CDK14: variants seen among roughly 807,000 people sequenced by gnomAD.
The protein encoded by CDK14 is cyclin dependent kinase 14.
In CDK14, 34 loss-of-function variants were observed where a neutral mutation model predicts 60.7. That is an observed-to-expected ratio of 0.56 (90% CI 0.43 to 0.75). The LOEUF (loss-of-function observed/expected upper bound fraction) is 0.75, where lower values mean the gene tolerates loss of function less well. Ranked by LOEUF, CDK14 falls within the 30% of genes least tolerant of loss-of-function variation. The probability of loss-of-function intolerance (pLI) is 0.00; values close to 1 mark genes in which losing one functional copy is unlikely to be tolerated. For missense variants in CDK14, 482 were observed against 564.1 expected (o/e 0.85, Z 1.47); for synonymous variants, 197 against 203.7 (o/e 0.97, Z 0.28).
chr7:90,664,740 G>A (rs1428164338), intron 2 of CDK14, among the ~76,000 whole-genome samples: 1 of 147,400 alleles, frequency 6.8e-6, no homozygotes, highest in Non-Finnish European at 1.5e-5. Flanking sequence ...ATCGAACAAT[G>A]AGAACACATG....
chr7:90,612,720 C>T lies in CDK14; in HGVS notation c.123+8471C>T, dbSNP rs564798927. On this transcript the variant is annotated intron_variant, in intron 2 of 14. Coordinates refer to ENST00000380050, the MANE Select transcript of CDK14 (RefSeq NM_001287135.2). Reference sequence around the variant, plus strand: ...CCGGGAGGCGGAGGTTGCAGTGAGCCGAGATTGTGCCACTGCACTCCAGCC... The same window carrying T: ...CCGGGAGGCGGAGGTTGCAGTGAGCTGAGATTGTGCCACTGCACTCCAGCC... Among the ~76,000 whole-genome samples the T allele has an allele frequency of 7.6e-4, 110 of 144,322 alleles. 1 individual carries two copies. The South Asian group carries it at 8.7e-3, about 11-fold the overall frequency. The allele number at this position is 144,322 out of a possible 152,430, so 94.7% of individuals were successfully genotyped here. A position where few individuals can be genotyped will look rare whatever the true frequency, so the allele number is the denominator to read the frequency against.
At chr7:91,184,055 C>T (rs942404950) in intron 14 of CDK14, among the ~76,000 whole-genome samples, 21 of 151,664 alleles carry the variant, frequency 1.4e-4, no homozygotes, top group African/African-American at 3.9e-4. Context: ...TTAAACCAGG[C>T]GCTTAAAATT....
intron 3 of CDK14, among the ~76,000 whole-genome samples, chr7:90,742,785 A>G (rs1054206737): frequency 3.3e-5 from 5 of 151,876 alleles, no homozygotes; most frequent in African/African-American, 1.2e-4. Flanking sequence ...ATTTTTTTAA[A>G]CCCATGTTAT....
intron 12 of CDK14, among the ~76,000 whole-genome samples, chr7:91,084,839 G>A (rs1239276135): frequency 6.6e-6 from 1 of 152,180 alleles, no homozygotes; most frequent in Non-Finnish European, 1.5e-5. Context: ...ATCCAAAAGT[G>A]CACGCTTACG....
chr7:91,035,666 A>G (rs1257322068), intron 10 of CDK14, among the ~76,000 whole-genome samples: 1 of 147,646 alleles, frequency 6.8e-6, no homozygotes, highest in East Asian at 2.0e-4. Flanking sequence ...AGCAATCCAG[A>G]TGTGTTCTGA....
chr7:90,969,681 T>C (rs907142019), intron 9 of CDK14, among the ~76,000 whole-genome samples: 1 of 152,196 alleles, frequency 6.6e-6, no homozygotes, highest in African/African-American at 2.4e-5. Context: ...CCGTTATTGG[T>C]AGAGTTTTAA....
chr7:90,654,398 C>A (rs994516726), intron 2 of CDK14, among the ~76,000 whole-genome samples: 1 of 152,178 alleles, frequency 6.6e-6, no homozygotes, highest in African/African-American at 2.4e-5. Context: ...CTAATTCTTT[C>A]TACCATGTAT....
chr7:91,096,079 A>AAC (rs1554426500), intron 12 of CDK14, among the ~76,000 whole-genome samples: 3 of 150,648 alleles, frequency 2.0e-5, no homozygotes, highest in Admixed American at 1.3e-4. Context: ...AAAAAAAAAA[A>AAC]AAAAAAAAAC....
At chr7:90,653,823 C>T (rs186473308) in intron 2 of CDK14, among the ~76,000 whole-genome samples, 29 of 152,270 alleles carry the variant, frequency 1.9e-4, no homozygotes, top group Non-Finnish European at 3.4e-4. Context: ...CCTTCTCCCC[C>T]CACCTGATGA....
chr7:90,902,163 C>G (rs1792528751), intron 7 of CDK14, among the ~76,000 whole-genome samples: 1 of 151,990 alleles, frequency 6.6e-6, no homozygotes, highest in South Asian at 2.1e-4. Context: ...TATTAAAATA[C>G]CATTCTACCA....
At chr7:90,863,350 T>C (rs1010245363) in intron 6 of CDK14, 81 bp downstream of exon 6, 22 of 745,052 alleles carry the variant, frequency 3.0e-5, no homozygotes, top group Middle Eastern at 3.7e-4. Flanking sequence ...ATTTCGTTTT[T>C]AGATTGCTGT....
chr7:90,910,338 C>A (rs1316087475), intron 7 of CDK14, among the ~76,000 whole-genome samples: 2 of 152,100 alleles, frequency 1.3e-5, no homozygotes, highest in Admixed American at 1.3e-4. Context: ...CATGATGAAT[C>A]ATTTTGTGGC....
chr7:90,626,392 G>A (rs1043629559), intron 2 of CDK14, among the ~76,000 whole-genome samples: 1 of 152,108 alleles, frequency 6.6e-6, no homozygotes, highest in Non-Finnish European at 1.5e-5. Flanking sequence ...CTCTTACTCA[G>A]CTGTTGTTAA....
At chr7:90,753,725 C>T (rs1791818754) in intron 4 of CDK14, among the ~76,000 whole-genome samples, 1 of 151,842 alleles carries the variant, frequency 6.6e-6, no homozygotes, top group South Asian at 2.1e-4. Flanking sequence ...TGATTCTATA[C>T]AGAGTCTAAA....
At chr7:90,855,329 G>A (rs1377438037) in intron 5 of CDK14, among the ~76,000 whole-genome samples, 1 of 152,114 alleles carries the variant, frequency 6.6e-6, no homozygotes, top group African/African-American at 2.4e-5. Context: ...CAGTTATAAT[G>A]ATTCATTATT....
intron 2 of CDK14, among the ~76,000 whole-genome samples, chr7:90,649,256 C>CTT (rs1303940369): frequency 3.8e-4 from 18 of 47,322 alleles, no homozygotes; most frequent in Admixed American, 3.7e-3. Flanking sequence ...TTCTTTCTTT[C>CTT]TTTCTTTCTT....
At chr7:91,166,191 T>A (rs1801341909) in intron 14 of CDK14, among the ~76,000 whole-genome samples, 1 of 152,228 alleles carries the variant, frequency 6.6e-6, no homozygotes, top group Non-Finnish European at 1.5e-5. Context: ...TGGATTCCTA[T>A]ATTTTTTCAC....
intron 14 of CDK14, among the ~76,000 whole-genome samples, chr7:91,162,222 T>C (rs543214988): frequency 3.3e-5 from 5 of 152,354 alleles, no homozygotes; most frequent in Admixed American, 1.3e-4. Flanking sequence ...CTGACAATTT[T>C]CCCTTTTATG....
chr7:90,660,153 T>C (rs1800839683), intron 2 of CDK14, among the ~76,000 whole-genome samples: 1 of 152,130 alleles, frequency 6.6e-6, no homozygotes, highest in South Asian at 2.1e-4. Flanking sequence ...GTAACAGTTA[T>C]TGAACGTGTA....
Sources: allele counts gnomAD v4.1 joint callset (sites outside exome capture counted in the v4.1 genomes callset), GRCh38; gene constraint gnomAD v4.1.1; transcripts MANE v1.5; gene names NCBI Gene and HGNC (gene_info 2026-07-23, HGNC 2026-07-21).